ACSS3: variants seen among roughly 807,000 people sequenced by gnomAD.
ACSS3 encodes the protein acyl-CoA synthetase short-chain family member 3, mitochondrial.
A neutral mutation model predicts 84.2 loss-of-function variants in ACSS3; 64 were observed. The observed-to-expected ratio is 0.76, with a 90% CI of 0.62 to 0.94. The LOEUF is 0.94. ACSS3 is among the 40% of genes least tolerant of loss of function. The probability of loss-of-function intolerance (pLI) is 0.00; values close to 1 mark genes in which losing one functional copy is unlikely to be tolerated. For missense variants in ACSS3, 815 were observed against 867.6 expected, an observed-to-expected ratio of 0.94 and a Z score of 0.76; for synonymous variants, 317 against 310.1, an observed-to-expected ratio of 1.02 and a Z score of -0.23.
intron 8 of ACSS3, among the ~76,000 whole-genome samples, chr12:81,196,781 G>A (rs1266237189): frequency 6.6e-6 from 1 of 152,058 alleles, no homozygotes; most frequent in Non-Finnish European, 1.5e-5. Flanking sequence ...GAAGCAAGAG[G>A]GAGGAGAGGA....
At chr12:81,215,798 A>G (rs1420870506) in intron 9 of ACSS3, among the ~76,000 whole-genome samples, 1 of 152,198 alleles carries the variant, frequency 6.6e-6, no homozygotes, top group Admixed American at 6.5e-5. Flanking sequence ...AATGTTAATA[A>G]GTGCATCCCT....
rs1255427425 is a variant in ACSS3, at chr12:81,256,633, TGA to T, written c.*1716_*1717del. The T allele has an allele frequency of 1.3e-5, 2 of 152,166 alleles. No homozygotes were observed. The highest frequency in any genetic ancestry group is 4.8e-5 in the African/African-American group (2 of 41,450). The allele number at this position is 152,166 out of a possible 1,614,324, so 9.4% of individuals were successfully genotyped here. The stretch of plus-strand genomic sequence containing the variant: ...ATACTCAGGATACATGAAATGTATG[TGA>T]GAGATAAATAGATAATAGAAAGTTT... On this transcript the variant is annotated 3_prime_UTR_variant, in exon 16 of 16. Transcript: ENST00000548058.
Position 81,166,003 on chromosome 12 carries a change from C to T in ACSS3, c.1099-8785C>T, listed in dbSNP as rs577388537. Among the ~76,000 whole-genome samples, 21 of 152,280 alleles carry T rather than the reference C, an allele frequency of 1.4e-4. No homozygotes were observed. The South Asian group carries it at 4.1e-3, about 30-fold the overall frequency. On this transcript the variant is annotated intron_variant, in intron 7 of 15. Transcript: ENST00000548058. ...GTAGATATTTTAAGTACCCCATTTA[C>T]AGCTGTAGAAACTAAGAACAGAGAC...
chr12:81,221,838 T>C (rs1167250135), intron 11 of ACSS3, among the ~76,000 whole-genome samples: 1 of 152,046 alleles, frequency 6.6e-6, no homozygotes, highest in East Asian at 1.9e-4. Context: ...TGAGAGCTTT[T>C]CAAAGCACTT....
At chr12:81,144,874 G>C (rs1408283540) in intron 5 of ACSS3, among the ~76,000 whole-genome samples, 1 of 149,920 alleles carries the variant, frequency 6.7e-6, no homozygotes, top group East Asian at 2.0e-4. Context: ...ATGGACCCTA[G>C]CTATTCCAGG....
chr12:81,105,264 A>G (rs797011649), intron 1 of ACSS3, among the ~76,000 whole-genome samples: 8 of 152,370 alleles, frequency 5.3e-5, no homozygotes, highest in African/African-American at 1.7e-4. Flanking sequence ...GTTTCCATAA[A>G]TAAGTAGAAA....
chr12:81,193,344 T>C (rs2031674617), intron 8 of ACSS3, among the ~76,000 whole-genome samples: 2 of 152,108 alleles, frequency 1.3e-5, no homozygotes, highest in South Asian at 4.1e-4. Context: ...TATTTTTTAT[T>C]TTTTTGCCCT....
rs376092112 is a variant in ACSS3, at chr12:81,192,904, A to G, written c.1251-6437A>G. 7.9e-4 allele frequency among the ~76,000 whole-genome samples: 120 copies of G among 152,232 alleles called. 1 individual carries two copies. The highest frequency in any genetic ancestry group is 2.8e-3 in the African/African-American group (116 of 41,558). On this transcript the variant is annotated intron_variant, in intron 8 of 15. Coordinates refer to ENST00000548058, the MANE Select transcript of ACSS3 (RefSeq NM_024560.4). The stretch of plus-strand genomic sequence containing the variant: ...CTATTGCCTTTGAGTTCTCTGATGT[A>G]TTCAAAAGGTATTTCATTTTTATAT...
chr12:81,215,522 A>G (rs1214560001), intron 9 of ACSS3, among the ~76,000 whole-genome samples: 2 of 152,222 alleles, frequency 1.3e-5, no homozygotes, highest in African/African-American at 4.8e-5. Context: ...AGTGATATCA[A>G]TATGTGATAA....
At position 81,138,073 on chromosome 12, in the gene ACSS3, AG is replaced by A. The variant is rs539302694; in HGVS notation, c.646-1057del. Among the ~76,000 whole-genome samples, 85 of 152,286 alleles carry A rather than the reference AG, an allele frequency of 5.6e-4. 2 individuals carry two copies. In the East Asian group the frequency reaches 0.015, roughly 27 times the overall value. On this transcript the variant is annotated intron_variant, in intron 3 of 15. Transcript: ENST00000548058. ...TACTATATATGCATATATTTAGCAC[AG>A]TATAAACCTTTCCTAGATGAAATGT...
intron 9 of ACSS3, among the ~76,000 whole-genome samples, chr12:81,205,624 G>T (rs1013953717): frequency 6.6e-6 from 1 of 151,992 alleles, no homozygotes; most frequent in African/African-American, 2.4e-5. Flanking sequence ...GCTAGGTAAG[G>T]TATCAAAGTC....
intron 5 of ACSS3, among the ~76,000 whole-genome samples, chr12:81,148,863 C>T (rs554433096): frequency 1.4e-5 from 2 of 142,684 alleles, no homozygotes; most frequent in East Asian, 4.1e-4. Flanking sequence ...AGATCGAGAC[C>T]ATCCTGGCTA....
At chr12:81,202,976 A>C (rs1428144475) in intron 9 of ACSS3, among the ~76,000 whole-genome samples, 1 of 152,182 alleles carries the variant, frequency 6.6e-6, no homozygotes, top group East Asian at 1.9e-4. Flanking sequence ...ATGATTATGG[A>C]GACTGAGAAG....
At chr12:81,242,281 A>G in intron 13 of ACSS3, among the ~76,000 whole-genome samples, 1 of 152,208 alleles carries the variant, frequency 6.6e-6, no homozygotes, top group Non-Finnish European at 1.5e-5. Context: ...ATTCCTCGAC[A>G]CATACACTCT....
rs1883395561 is a variant in ACSS3 at position 81,109,601 on chromosome 12, A to G, written c.353A>G (p.Asp118Gly). 1 of 1,612,648 alleles carries G rather than the reference A, an allele frequency of 6.2e-7. No individual in the cohort carries two copies. The highest frequency in any genetic ancestry group is 8.5e-7 in the Non-Finnish European group (1 of 1,179,300). The change falls in exon 2 of 16, where the codon GAT becomes GGT. Residue 118 changes from aspartate to glycine, a missense_variant. Physicochemically the swap from Asp to Gly is moderately conservative, Grantham distance 94. Coordinates refer to ENST00000548058, the MANE Select transcript of ACSS3 (RefSeq NM_024560.4). ...CTTAACATTTGTTACAATGCCGTTG[A>G]TCGTCATATTGAAAATGGTAAAGGG... ...GMLNICYNAV[D>G]RHIENGKGDK...
chr12:81,135,777 A>G (rs1269895287), intron 3 of ACSS3, among the ~76,000 whole-genome samples: 1 of 152,114 alleles, frequency 6.6e-6, no homozygotes, highest in Non-Finnish European at 1.5e-5. Context: ...CTATTTAAAT[A>G]AATACATAAA....
chr12:81,121,836 T>C (rs1412156517), intron 2 of ACSS3, among the ~76,000 whole-genome samples: 1 of 152,118 alleles, frequency 6.6e-6, no homozygotes, highest in African/African-American at 2.4e-5. Context: ...TAACCTTATC[T>C]GACCTTTACG....
At chr12:81,128,061 G>T (rs1024721200) in intron 2 of ACSS3, among the ~76,000 whole-genome samples, 14 of 151,906 alleles carry the variant, frequency 9.2e-5, no homozygotes, top group African/African-American at 2.9e-4. Flanking sequence ...TTTTACTTCT[G>T]TCTGATGCAT....
chr12:81,089,385 A>T (rs1378865999), intron 1 of ACSS3, among the ~76,000 whole-genome samples: 1 of 151,886 alleles, frequency 6.6e-6, no homozygotes, highest in East Asian at 1.9e-4. Context: ...GGCATATGTT[A>T]AGTGCAGAGA....
Sources: allele counts gnomAD v4.1 joint callset (sites outside exome capture counted in the v4.1 genomes callset), GRCh38; gene constraint gnomAD v4.1.1; transcripts MANE v1.5; gene names NCBI Gene and HGNC (gene_info 2026-07-23, HGNC 2026-07-21).